PTPRR: variants seen among roughly 807,000 people sequenced by gnomAD.
The protein encoded by PTPRR is receptor-type tyrosine-protein phosphatase R.
PTPRR carries 38 observed loss-of-function variants against 77.2 expected under a neutral mutation model. The observed-to-expected ratio is 0.49, with a 90% CI of 0.38 to 0.65. PTPRR has a LOEUF of 0.65. Among genes scored for constraint, PTPRR ranks in the 30% least tolerant of loss-of-function variants. PTPRR has a pLI of 0.00. For synonymous variants in PTPRR, 299 were observed against 283.1 expected (o/e 1.06, Z -0.57); for missense variants, 744 against 799.2 (o/e 0.93, Z 0.83).
chr12:70,649,808 C>T (rs1311445635), intron 13 of PTPRR, among the ~76,000 whole-genome samples: 6 of 152,106 alleles, frequency 3.9e-5, no homozygotes, highest in Admixed American at 6.5e-5. Context: ...CTCCTGACCT[C>T]AAGTGATCTG....
At chr12:70,737,633 C>T (rs1481258262) in intron 6 of PTPRR, among the ~76,000 whole-genome samples, 1 of 152,066 alleles carries the variant, frequency 6.6e-6, no homozygotes, top group African/African-American at 2.4e-5. Context: ...TATCCTCCTG[C>T]CTCAGCCTCC....
chr12:70,761,430 T>A, intron 4 of PTPRR, 41 bp downstream of exon 4: 1 of 1,500,326 alleles, frequency 6.7e-7, no homozygotes, highest in East Asian at 2.3e-5. Context: ...GCATGCTAAC[T>A]GTTCACATTT....
At chr12:70,916,322 T>C (rs968092108) in intron 1 of PTPRR, among the ~76,000 whole-genome samples, 1 of 151,988 alleles carries the variant, frequency 6.6e-6, no homozygotes, top group Non-Finnish European at 1.5e-5. Flanking sequence ...AGGATAAATA[T>C]GGCTGGAGAG....
intron 13 of PTPRR, among the ~76,000 whole-genome samples, chr12:70,654,321 C>T (rs1288894661): frequency 6.6e-6 from 1 of 152,084 alleles, no homozygotes; most frequent in Non-Finnish European, 1.5e-5. Flanking sequence ...CTCACACCTA[C>T]AATCCCGGCA....
At chr12:70,778,446 T>C (rs1891135827) in intron 2 of PTPRR, among the ~76,000 whole-genome samples, 1 of 152,218 alleles carries the variant, frequency 6.6e-6, no homozygotes, top group Non-Finnish European at 1.5e-5. Flanking sequence ...AGTAATATTT[T>C]CTCCTATTAT....
chr12:70,853,947 T>C (rs4519183), intron 2 of PTPRR, among the ~76,000 whole-genome samples: 150,113 of 152,340 alleles, frequency 0.99, 73,970 homozygotes, highest in Middle Eastern at 1. Context: ...GATGTGTGTT[T>C]GTGACTCAAC....
intron 2 of PTPRR, among the ~76,000 whole-genome samples, chr12:70,836,423 C>T (rs1257388597): frequency 1.3e-5 from 2 of 151,760 alleles, no homozygotes; most frequent in East Asian, 3.9e-4. Context: ...GTTTTCTTTA[C>T]CCTCTCTGGG....
intron 2 of PTPRR, among the ~76,000 whole-genome samples, chr12:70,862,780 A>T: frequency 6.6e-6 from 1 of 152,116 alleles, no homozygotes; most frequent in East Asian, 1.9e-4. Context: ...GTGGTTAGAA[A>T]ATTCAAAGGG....
chr12:70,856,834 T>G (rs1311608691), intron 2 of PTPRR, among the ~76,000 whole-genome samples: 41 of 114,824 alleles, frequency 3.6e-4, no homozygotes, highest in Admixed American at 8.7e-4. Flanking sequence ...AGGAGTGGAG[T>G]GGGGGAGAGA....
intron 10 of PTPRR, among the ~76,000 whole-genome samples, chr12:70,663,336 A>G (rs1886865162): frequency 6.6e-6 from 1 of 152,220 alleles, no homozygotes; most frequent in Admixed American, 6.5e-5. Context: ...CTGAGTCCAA[A>G]TTTTGGTTCT....
At chr12:70,886,121 C>G (rs1199968585) in intron 2 of PTPRR, among the ~76,000 whole-genome samples, 1 of 152,096 alleles carries the variant, frequency 6.6e-6, no homozygotes, top group Non-Finnish European at 1.5e-5. Context: ...TCTAGCTTTT[C>G]CAGAGTGCAT....
At chr12:70,845,495 A>G (rs945389812) in intron 2 of PTPRR, among the ~76,000 whole-genome samples, 3 of 152,164 alleles carry the variant, frequency 2.0e-5, no homozygotes, top group Admixed American at 6.5e-5. Context: ...TAACATTTAT[A>G]GTGCTTTTTT....
Position 70,754,281 on chromosome 12 carries a change from C to T in PTPRR, c.648G>A (p.Gln216=), listed in dbSNP as rs748842713. 2.3e-5 allele frequency: 37 copies of T among 1,613,616 alleles called. No individual in the cohort carries two copies. The South Asian group carries it at 4.0e-4, about 17-fold the overall frequency. Reference sequence around the variant, plus strand: ...TGCTCCAGATTTTGTCCGCTTCATGCTGCCCTTGTAAAACATTTTTCTTTA... The same window carrying T: ...TGCTCCAGATTTTGTCCGCTTCATGTTGCCCTTGTAAAACATTTTTCTTTA... ...VSPEKNVLQG[Q]HEADKIWSKE... The change falls in exon 5 of 14, where the codon CAG becomes CAA. Residue 216 remains glutamine, a synonymous_variant. Transcript: ENST00000283228.
intron 2 of PTPRR, among the ~76,000 whole-genome samples, chr12:70,845,085 T>G (rs1246265199): frequency 6.6e-6 from 1 of 152,132 alleles, no homozygotes; most frequent in Non-Finnish European, 1.5e-5. Context: ...AAGGAAGATT[T>G]GGAAAGTTAG....
chr12:70,730,987 G>C (rs1889635037), intron 6 of PTPRR, among the ~76,000 whole-genome samples: 1 of 148,168 alleles, frequency 6.7e-6, no homozygotes, highest in Admixed American at 6.8e-5. Context: ...GAAGGAGAGA[G>C]GAAGGAAGGA....
chr12:70,808,083 G>T (rs1891742889), intron 2 of PTPRR, among the ~76,000 whole-genome samples: 1 of 152,076 alleles, frequency 6.6e-6, no homozygotes, highest in Admixed American at 6.6e-5. Flanking sequence ...TGCATTCCCA[G>T]GGGAGGCCTC....
intron 2 of PTPRR, among the ~76,000 whole-genome samples, chr12:70,807,201 G>A (rs1438813099): frequency 2.0e-5 from 3 of 152,188 alleles, no homozygotes; most frequent in Admixed American, 6.5e-5. Context: ...GCAAAGGATA[G>A]ACAAGTAAAG....
intron 8 of PTPRR, among the ~76,000 whole-genome samples, chr12:70,698,041 A>G (rs924842331): frequency 1.3e-5 from 2 of 152,084 alleles, no homozygotes; most frequent in Non-Finnish European, 2.9e-5. Context: ...GTTAATGGGA[A>G]GACTTGTCTT....
At position 70,821,213 on chromosome 12, in the gene PTPRR, C is replaced by CTTTTT. The variant is rs61539990; in HGVS notation, c.358-56440_358-56436dup. On this transcript the variant is annotated intron_variant, in intron 2 of 13. Transcript: ENST00000283228. ...CAAAACATGTTGAAAGGGATCACTG[C>CTTTTT]TTTTTTTTTTTTTTTTTTTTTTTTT... Among the ~76,000 whole-genome samples, 85 of 31,988 alleles carry CTTTTT rather than the reference C, an allele frequency of 2.7e-3. 19 individuals are homozygous for CTTTTT. The highest frequency in any genetic ancestry group is 0.016 in the South Asian group (6 of 376). The allele number at this position is 31,988 out of a possible 152,430, so 21.0% of individuals were successfully genotyped here.
Sources: gnomAD v4.1 joint callset for allele counts (sites outside exome capture counted in the v4.1 genomes callset) on GRCh38, gnomAD v4.1.1 for gene constraint, MANE v1.5 for transcripts, NCBI Gene and HGNC (gene_info 2026-07-23, HGNC 2026-07-21) for gene names.